Variants in HERC3 observed in about 807,000 individuals in gnomAD.
HERC3 encodes probable E3 ubiquitin-protein ligase HERC3.
Under a neutral mutation model 129.9 loss-of-function variants are expected in HERC3, and 58 were observed. That is an observed-to-expected ratio of 0.45 (90% confidence interval 0.36 to 0.56). The LOEUF is 0.56. Ranked by LOEUF, HERC3 falls within the 20% of genes least tolerant of loss-of-function variation. The pLI, the probability that HERC3 is intolerant of heterozygous loss-of-function variation, is 0.00. For missense variants in HERC3, 835 were observed against 1,244.2 expected, an observed-to-expected ratio of 0.67 and a Z score of 4.95; for synonymous variants, 430 against 451.0, an observed-to-expected ratio of 0.95 and a Z score of 0.59.
the HERC3 span, among the ~76,000 whole-genome samples, chr4:88,569,457 A>G: frequency 6.6e-6 from 1 of 152,184 alleles, no homozygotes; most frequent in Non-Finnish European, 1.5e-5. Flanking sequence ...TTTGGTTCTT[A>G]TGAAGGTACT....
At chr4:88,705,093 C>T (rs545749832) in intron 25 of HERC3, among the ~76,000 whole-genome samples, 1 of 152,110 alleles carries the variant, frequency 6.6e-6, no homozygotes, top group Non-Finnish European at 1.5e-5. Context: ...TCTTGAACTC[C>T]TGACCTCAAG....
intron 10 of HERC3, 95 bp downstream of exon 10, chr4:88,658,586 C>T (rs1730163826): frequency 1.6e-6 from 1 of 609,790 alleles, no homozygotes; most frequent in South Asian, 2.3e-5. Flanking sequence ...AGCAATGTTA[C>T]TCTTTGTTTC....
chr4:88,564,086 C>A, the HERC3 span, among the ~76,000 whole-genome samples: 1 of 152,150 alleles, frequency 6.6e-6, no homozygotes, highest in South Asian at 2.1e-4. Context: ...TATAATCTAT[C>A]ACATGGATTG....
intron 3 of HERC3, among the ~76,000 whole-genome samples, chr4:88,625,563 C>CT (rs1449641749): frequency 1.3e-5 from 2 of 151,992 alleles, no homozygotes; most frequent in African/African-American, 4.8e-5. Flanking sequence ...GCTCTATTAG[C>CT]TTTTTTCTGT....
chr4:88,671,475 G>A (rs1233013339), intron 16 of HERC3, among the ~76,000 whole-genome samples: 3 of 152,122 alleles, frequency 2.0e-5, no homozygotes, highest in Non-Finnish European at 2.9e-5. Flanking sequence ...CTTAAAAAAT[G>A]CATACAATGT....
intron 3 of HERC3, among the ~76,000 whole-genome samples, chr4:88,617,586 G>C (rs1364477624): frequency 6.6e-6 from 1 of 152,186 alleles, no homozygotes; most frequent in African/African-American, 2.4e-5. Context: ...AGTCAAAATA[G>C]GGAGGCTGGG....
At chr4:88,689,119 C>T (rs1733787944) in intron 23 of HERC3, among the ~76,000 whole-genome samples, 1 of 152,136 alleles carries the variant, frequency 6.6e-6, no homozygotes, top group South Asian at 2.1e-4. Flanking sequence ...GCTTCTTCCT[C>T]TAAATAGTTG....
chr4:88,662,469 A>G lies in HERC3; in HGVS notation c.1185A>G (p.Gln395=). ...SPAVDFRTMN[Q]AHYTSLINDE... Reference sequence around the variant, plus strand: ...CTGTTGACTTCAGGACTATGAACCAAGCACATTATACCAGTTTAATAAATG... The same window carrying G: ...CTGTTGACTTCAGGACTATGAACCAGGCACATTATACCAGTTTAATAAATG... The change falls in exon 11 of 26, where the codon CAA becomes CAG. Residue 395 remains glutamine (Q), a synonymous_variant. Coordinates refer to ENST00000402738, the MANE Select transcript of HERC3 (RefSeq NM_014606.3). The G allele has an allele frequency of 6.2e-7, 1 of 1,613,398 alleles. No homozygotes were observed. Among genetic ancestry groups the G allele is most frequent in the Non-Finnish European group, 8.5e-7 (1 of 1,179,480 alleles).
At position 88,683,888 on chromosome 4, in the gene HERC3, C is replaced by G. The variant is rs537855649; in HGVS notation, c.2507+2563C>G. ...AAACTCACAAACTTTCTTAAAACAT[C>G]ATGAGATTTTTTTGCAGTTTTTCTT... On this transcript the variant is annotated intron_variant, in intron 21 of 25. Transcript: ENST00000402738. Among the ~76,000 whole-genome samples, 65 of 152,254 alleles carry G rather than the reference C, an allele frequency of 4.3e-4. 1 individual carries two copies. The highest frequency in any genetic ancestry group is 6.8e-3 in the Middle Eastern group (2 of 294).
At chr4:88,555,277 G>A in the HERC3 span, among the ~76,000 whole-genome samples, 13 of 111,400 alleles carry the variant, frequency 1.2e-4, no homozygotes, top group Admixed American at 2.6e-4. Context: ...GCGAGACTCC[G>A]TCTCAAAAAA....
At chr4:88,697,873 G>A in intron 23 of HERC3, 2 of 1,387,668 alleles carry the variant, frequency 1.4e-6, no homozygotes, top group Non-Finnish European at 9.7e-7. Flanking sequence ...CGGGAATGAC[G>A]TTGGCCGCGG....
intron 3 of HERC3, among the ~76,000 whole-genome samples, chr4:88,619,504 G>A (rs1725281311): frequency 6.6e-6 from 1 of 151,998 alleles, no homozygotes; most frequent in African/African-American, 2.4e-5. Flanking sequence ...AGACATGAAT[G>A]TAAAAAGTAA....
chr4:88,570,220 C>A, the HERC3 span, among the ~76,000 whole-genome samples: 2 of 152,078 alleles, frequency 1.3e-5, no homozygotes, highest in Admixed American at 1.3e-4. Context: ...TTTCAGGTTT[C>A]AAATTATTCA....
rs546975238 is a variant in HERC3, at chr4:88,690,460, A to G, written c.2657+3161A>G. The G allele has an allele frequency of 4.5e-5, 44 of 985,434 alleles. No individual in the cohort carries two copies. In the South Asian group the frequency reaches 1.9e-3, roughly 42 times the overall value. 61.0% of individuals were successfully genotyped at this position (985,434 alleles called of 1,614,324 possible). A position where few individuals can be genotyped will look rare whatever the true frequency, so the allele number is the denominator to read the frequency against. ...AAACAATGTCTTAGCTTTTGCATTA[A>G]GTTTCAGACAAGATAATGTGTGCAT... On this transcript the variant is annotated intron_variant, in intron 23 of 25. Transcript: ENST00000402738.
intron 3 of HERC3, among the ~76,000 whole-genome samples, chr4:88,635,953 G>A (rs950740728): frequency 6.6e-6 from 1 of 152,116 alleles, no homozygotes; most frequent in Admixed American, 6.5e-5. Context: ...AAATGCTGAG[G>A]GAATTTGCCA....
upstream of HERC3, among the ~76,000 whole-genome samples, chr4:88,588,304 C>T (rs1721581205): frequency 6.6e-6 from 1 of 152,196 alleles, no homozygotes; most frequent in Admixed American, 6.5e-5. Context: ...GATGGTAATA[C>T]TGATTTACCA....
intron 3 of HERC3, among the ~76,000 whole-genome samples, chr4:88,629,682 G>T (rs563446325): frequency 1.3e-5 from 2 of 152,270 alleles, no homozygotes; most frequent in Non-Finnish European, 2.9e-5. Flanking sequence ...TTTTTTGGGA[G>T]AAATAGATTG....
chr4:88,684,573 C>A (rs1165234982), intron 21 of HERC3, among the ~76,000 whole-genome samples: 1 of 152,146 alleles, frequency 6.6e-6, no homozygotes, highest in Non-Finnish European at 1.5e-5. Context: ...GCAAAGACTT[C>A]ATGTCTAAAA....
chr4:88,573,471 T>C, the HERC3 span, among the ~76,000 whole-genome samples: 1 of 152,230 alleles, frequency 6.6e-6, no homozygotes, highest in Non-Finnish European at 1.5e-5. Context: ...AAGCATGGAC[T>C]GTTTGCCTAC....
Sources: allele counts gnomAD v4.1 joint callset (sites outside exome capture counted in the v4.1 genomes callset), GRCh38; gene constraint gnomAD v4.1.1; transcripts MANE v1.5; gene names NCBI Gene and HGNC (gene_info 2026-07-23, HGNC 2026-07-21).